The following KCNQ3 variants were observed in gnomAD, a reference collection of about 807,000 sequenced individuals.
KCNQ3 encodes the protein potassium voltage-gated channel subfamily KQT member 3.
A neutral mutation model predicts 92.5 loss-of-function variants in KCNQ3; 30 were observed. The observed-to-expected ratio is 0.32, with a 90% CI of 0.24 to 0.44. The LOEUF (loss-of-function observed/expected upper bound fraction) is 0.44, where lower values mean the gene tolerates loss of function less well. KCNQ3 is among the 20% of genes least tolerant of loss of function. The pLI, the probability that KCNQ3 is intolerant of heterozygous loss-of-function variation, is 1.00. For synonymous variants in KCNQ3, 450 were observed against 468.8 expected, an observed-to-expected ratio of 0.96 and a Z score of 0.52; for missense variants, 913 against 1,140.3, an observed-to-expected ratio of 0.80 and a Z score of 2.87.
At chr8:132,311,040 G>A (rs370016187) in intron 1 of KCNQ3, among the ~76,000 whole-genome samples, 1 of 151,556 alleles carries the variant, frequency 6.6e-6, no homozygotes, top group African/African-American at 2.4e-5. Flanking sequence ...GGGTTCAAGC[G>A]ATTATCTTGT....
chr8:132,372,938 A>G (rs895189288), intron 1 of KCNQ3, among the ~76,000 whole-genome samples: 2 of 152,076 alleles, frequency 1.3e-5, no homozygotes, highest in African/African-American at 4.8e-5. Flanking sequence ...GAACGTTAGC[A>G]TGGTTAGTAA....
chr8:132,350,860 T>C (rs1818838261), intron 1 of KCNQ3, among the ~76,000 whole-genome samples: 1 of 152,166 alleles, frequency 6.6e-6, no homozygotes, highest in African/African-American at 2.4e-5. Flanking sequence ...TTTTCTTTAT[T>C]AGAACTTAAA....
intron 1 of KCNQ3, among the ~76,000 whole-genome samples, chr8:132,376,928 T>G (rs1276803999): frequency 6.6e-6 from 1 of 151,680 alleles, no homozygotes; most frequent in Non-Finnish European, 1.5e-5. Context: ...AAGGAGTGGG[T>G]GAAGGGAAAG....
rs140866095 is a variant in KCNQ3, at chr8:132,422,565, C to T, written c.386+57582G>A. Among the ~76,000 whole-genome samples the T allele has an allele frequency of 7.3e-3, 1,112 of 152,286 alleles. 9 individuals carry two copies. The highest frequency in any genetic ancestry group is 9.8e-3 in the Non-Finnish European group (667 of 68,020). The stretch of plus-strand genomic sequence containing the variant: ...TTCCTGGAACACGCAAGCTTTCCTA[C>T]CTCAGGATCTCAGGACACGTGATCC... On this transcript the variant is annotated intron_variant, in intron 1 of 14. Coordinates refer to ENST00000388996, the MANE Select transcript of KCNQ3 (RefSeq NM_004519.4).
intron 1 of KCNQ3, among the ~76,000 whole-genome samples, chr8:132,263,667 C>A (rs1815864773): frequency 6.6e-6 from 1 of 152,136 alleles, no homozygotes. Flanking sequence ...ATGGGGGAAG[C>A]AAAATCAAAA....
Position 132,480,678 on chromosome 8 carries a change from C to CA in KCNQ3, c.-147_-146insT, listed in dbSNP as rs1023163995. 3 of 900,134 alleles carry CA rather than the reference C, an allele frequency of 3.3e-6. No individual in the cohort carries two copies. The highest frequency in any genetic ancestry group is 4.1e-5 in the South Asian group (1 of 24,258). 55.8% of individuals were successfully genotyped at this position (900,134 alleles called of 1,614,324 possible). ...TCCGCGCGCCCCTCCCCACCCCCCC[C>CA]CAAAAGCAGGCAAAGGCGGGCCCCC... On this transcript the variant is annotated 5_prime_UTR_variant, in exon 1 of 15. Coordinates refer to ENST00000388996, the MANE Select transcript of KCNQ3 (RefSeq NM_004519.4).
chr8:132,159,670 A>G (rs1413223254), intron 9 of KCNQ3, among the ~76,000 whole-genome samples: 3 of 152,178 alleles, frequency 2.0e-5, no homozygotes, highest in African/African-American at 7.2e-5. Flanking sequence ...CAAAAAGAGA[A>G]ACAGAGATAA....
chr8:132,399,865 G>A (rs1820290069), intron 1 of KCNQ3, among the ~76,000 whole-genome samples: 1 of 152,178 alleles, frequency 6.6e-6, no homozygotes, highest in East Asian at 1.9e-4. Flanking sequence ...GTACCTTGGA[G>A]GACTGTTGTG....
intron 1 of KCNQ3, among the ~76,000 whole-genome samples, chr8:132,297,718 C>T (rs183740703): frequency 2.9e-5 from 1 of 34,380 alleles, no homozygotes; most frequent in Non-Finnish European, 8.3e-5. Context: ...CATGACAAGT[C>T]CACTGTGGAT....
intron 1 of KCNQ3, among the ~76,000 whole-genome samples, chr8:132,381,197 C>T (rs2130754934): frequency 6.6e-6 from 1 of 152,314 alleles, no homozygotes; most frequent in African/African-American, 2.4e-5. Flanking sequence ...AGGCCACTGG[C>T]TTTAGACTGC....
rs974904373 is a variant in KCNQ3 at position 132,447,190 on chromosome 8, C to T, written c.386+32957G>A. 6 of 1,534,696 alleles carry T rather than the reference C, an allele frequency of 3.9e-6. No homozygotes were observed. In the Admixed American group the frequency reaches 5.9e-5, roughly 15 times the overall value. On this transcript the variant is annotated intron_variant, in intron 1 of 14. Coordinates refer to ENST00000388996, the MANE Select transcript of KCNQ3 (RefSeq NM_004519.4). ...TTTTCATATCCCCAAAATGAGAATC[C>T]AAAGACTTACATCGTGGCGTGTTCT...
At chr8:132,279,850 A>ATG (rs1333316307) in intron 1 of KCNQ3, among the ~76,000 whole-genome samples, 19 of 127,336 alleles carry the variant, frequency 1.5e-4, no homozygotes, top group African/African-American at 3.3e-4. Flanking sequence ...ATGTGTATAT[A>ATG]TGCGTGTGTG....
intron 3 of KCNQ3, 60 bp from the exon 4 acceptor site, chr8:132,180,389 A>G (rs1257520862): frequency 1.3e-6 from 2 of 1,586,930 alleles, no homozygotes; most frequent in Non-Finnish European, 1.7e-6. Context: ...TGCGAAAGCA[A>G]TGGCGTCATC....
At chr8:132,262,705 A>C (rs923429202) in intron 1 of KCNQ3, among the ~76,000 whole-genome samples, 2 of 151,960 alleles carry the variant, frequency 1.3e-5, no homozygotes, top group African/African-American at 4.8e-5. Flanking sequence ...GGGATCAAAA[A>C]ACAGAAGGCA....
At chr8:132,470,315 C>T (rs1414542797) in intron 1 of KCNQ3, among the ~76,000 whole-genome samples, 1 of 152,174 alleles carries the variant, frequency 6.6e-6, no homozygotes. Flanking sequence ...AAACTATTTG[C>T]AACTTTTTAT....
chr8:132,267,925 A>G (rs931091071), intron 1 of KCNQ3, among the ~76,000 whole-genome samples: 2 of 152,216 alleles, frequency 1.3e-5, no homozygotes, highest in Non-Finnish European at 2.9e-5. Context: ...ATGAACCTAC[A>G]GTGACACATC....
chr8:132,218,933 G>A (rs1309597327), intron 1 of KCNQ3, among the ~76,000 whole-genome samples: 1 of 152,118 alleles, frequency 6.6e-6, no homozygotes, highest in Non-Finnish European at 1.5e-5. Flanking sequence ...TGCATGCTTT[G>A]TTACTGTTTT....
At chr8:132,132,021 G>A (rs1444998560) in intron 14 of KCNQ3, among the ~76,000 whole-genome samples, 159 bp downstream of exon 14, 2 of 151,966 alleles carry the variant, frequency 1.3e-5, no homozygotes, top group East Asian at 3.9e-4. Context: ...CTGGGAGGCA[G>A]AGGTTGCAGT....
intron 1 of KCNQ3, among the ~76,000 whole-genome samples, chr8:132,239,838 G>A (rs754386300): frequency 3.3e-5 from 5 of 152,230 alleles, no homozygotes; most frequent in East Asian, 1.9e-4. Flanking sequence ...TTCTATGTTC[G>A]GAGAAAAATT....
Sources: allele counts gnomAD v4.1 joint callset (sites outside exome capture counted in the v4.1 genomes callset), GRCh38; gene constraint gnomAD v4.1.1; transcripts MANE v1.5; gene names NCBI Gene and HGNC (gene_info 2026-07-23, HGNC 2026-07-21).